The following BICDL2 variants were observed in gnomAD, a reference collection of about 807,000 sequenced individuals.
BICDL2 encodes the protein BICD family like cargo adaptor 2.
BICDL2 carries 62 observed loss-of-function variants against 56.6 expected under a neutral mutation model. The observed-to-expected ratio is 1.10, with a 90% CI of 0.89 to 1.35. The LOEUF (loss-of-function observed/expected upper bound fraction) is 1.35. Ranked by LOEUF, BICDL2 falls within the 40% of genes most tolerant of loss-of-function variation. The probability of loss-of-function intolerance (pLI) is 0.00; values close to 1 mark genes in which losing one functional copy is unlikely to be tolerated. For synonymous variants in BICDL2, 358 were observed against 319.8 expected (o/e 1.12, Z -1.27); for missense variants, 808 against 684.5 (o/e 1.18, Z -2.01).
Position 3,030,731 on chromosome 16 carries a change from C to T in BICDL2, c.580G>A (p.Glu194Lys). 2.5e-6 allele frequency: 4 copies of T among 1,612,622 alleles called. No homozygotes were observed. Among genetic ancestry groups the T allele is most frequent in the Non-Finnish European group, 2.5e-6 (3 of 1,179,800 alleles). ...AGACTCTCCAGCCGCGTCCTCAGCT[C>T]TGCTCCAGCCAGTGCCTGAGCCTGG... ...QCQAQALAGAELRTRLESLQG... is the reference protein window; with the variant it reads ...QCQAQALAGAKLRTRLESLQG... Residue 194 changes from glutamate (E) to lysine (K), a missense_variant, in exon 4 of 10, where the codon GAG becomes AAG. Coordinates refer to ENST00000572449, the MANE Select transcript of BICDL2 (RefSeq NM_001369667.1).
At chr16:3,034,671 TCCTTCCTTCCTTCCTTCCTTCC>T (rs1408251017) in intron 2 of BICDL2, among the ~76,000 whole-genome samples, 6 of 145,158 alleles carry the variant, frequency 4.1e-5, no homozygotes, top group Middle Eastern at 3.5e-3. Flanking sequence ...CTTCCTTCCT[TCCTTCCTTCCTTCCTTCCTTCC>T]CCTTCCTTCC....
rs774651580 is a variant in BICDL2 at position 3,029,655 on chromosome 16, ACTC to A, written c.844_846del (p.Glu282del). The A allele has an allele frequency of 2.6e-6, 4 of 1,534,934 alleles. No individual in the cohort carries two copies. Among genetic ancestry groups the A allele is most frequent in the Non-Finnish European group, 1.7e-6 (2 of 1,145,654 alleles). On this transcript the variant is annotated inframe_deletion, in exon 6 of 10. Transcript: ENST00000572449. ...GACACGTCGGCGTCCTGGAGGCGTG[ACTC>A]CTCCTCCAGCTCGGAGACGCGCCGC...
At chr16:3,035,662 C>CT in intron 1 of BICDL2, 136 bp from the exon 2 acceptor site, 2 of 755,320 alleles carry the variant, frequency 2.6e-6, no homozygotes, top group Non-Finnish European at 4.2e-6. Context: ...GGGTTAATGA[C>CT]CTGTGTTTTG....
chr16:3,035,730 G>C (rs1216661633), intron 1 of BICDL2: 2 of 574,072 alleles, frequency 3.5e-6, no homozygotes, highest in East Asian at 5.7e-5. Context: ...AGAAGGAAAT[G>C]ACCTGCCCAG....
chr16:3,031,861 TG>T (rs1955661329), intron 2 of BICDL2: 2 of 258,466 alleles, frequency 7.7e-6, no homozygotes, highest in South Asian at 3.4e-4. Flanking sequence ...GGTTTACAGA[TG>T]GAACAAGCTC....
chr16:3,031,106 G>A lies in BICDL2; in HGVS notation c.327C>T (p.Ala109=), dbSNP rs1314187664. 6 of 1,536,022 alleles carry A rather than the reference G, an allele frequency of 3.9e-6. No homozygotes were observed. The highest frequency in any genetic ancestry group is 5.2e-6 in the Non-Finnish European group (6 of 1,146,616). Reference sequence around the variant, plus strand: ...CCCGGGCCTCCCACTCGGCTCCTCGGGCTGCCAGGCCTCGCCGGAGCTCAT... The same window carrying A: ...CCCGGGCCTCCCACTCGGCTCCTCGAGCTGCCAGGCCTCGCCGGAGCTCAT... ...ENHELRRGLA[A]RGAEWEARAV... The change falls in exon 3 of 10, where the codon GCC becomes GCT. Residue 109 remains alanine (A), a synonymous_variant. Transcript: ENST00000572449.
At position 3,028,118 on chromosome 16, in the gene BICDL2, G is replaced by A; in HGVS notation, c.1515C>T (p.Phe505=). The change falls in exon 10 of 10, where the codon TTC becomes TTT. Residue 505 remains phenylalanine (F), a synonymous_variant. Coordinates refer to ENST00000572449, the MANE Select transcript of BICDL2 (RefSeq NM_001369667.1). ...GPAGGFLSNL[F]RRT Reference sequence around the variant, plus strand: ...CTGGGCCCAGCCGTCAGGTCCTTCGGAAGAGGTTACTGAGAAAGCCACCGG... The same window carrying A: ...CTGGGCCCAGCCGTCAGGTCCTTCGAAAGAGGTTACTGAGAAAGCCACCGG... The A allele has an allele frequency of 7.0e-7, 1 of 1,434,012 alleles. No individual in the cohort carries two copies. Among genetic ancestry groups the A allele is most frequent in the Non-Finnish European group, 9.1e-7 (1 of 1,100,206 alleles). 88.8% of individuals were successfully genotyped at this position (1,434,012 alleles called of 1,614,324 possible).
chr16:3,029,827 C>A, intron 5 of BICDL2, 88 bp from the exon 6 acceptor site: 1 of 1,181,298 alleles, frequency 8.5e-7, no homozygotes, highest in South Asian at 1.5e-5. Context: ...ACGGGGGTGC[C>A]GCGGAGAGCC....
rs934968571 is a variant in BICDL2, at chr16:3,035,258, C to T, written c.239G>A (p.Arg80Gln). The T allele has an allele frequency of 2.6e-5, 40 of 1,549,054 alleles. No individual in the cohort carries two copies. The highest frequency in any genetic ancestry group is 2.2e-4 in the African/African-American group (16 of 72,712). The part of the protein sequence containing the change: ...MLLERNEELR[R>Q]QLETLSAQHL... The stretch of plus-strand genomic sequence containing the variant: ...CTGGGCGCTCAGCGTCTCCAGCTGC[C>T]GCCGCAGCTCTTCATTTCGCTCCAG... Residue 80 changes from arginine to glutamine, a missense_variant, in exon 2 of 10, where the codon CGG becomes CAG. By Grantham distance (43) the Arg-to-Gln change is conservative (BLOSUM62 1). Transcript: ENST00000572449.
chr16:3,030,866 T>C (rs1955643432), intron 3 of BICDL2, 54 bp from the exon 4 acceptor site: 9 of 1,555,060 alleles, frequency 5.8e-6, no homozygotes, highest in Non-Finnish European at 6.9e-6. Context: ...CCAATGCACC[T>C]ACTCCCCGCT....
At chr16:3,028,967 G>A in intron 7 of BICDL2, 137 bp from the exon 8 acceptor site, 5 of 1,212,244 alleles carry the variant, frequency 4.1e-6, no homozygotes, top group Non-Finnish European at 5.6e-6. Context: ...CCCTGTGCTG[G>A]AGACTCCGAT....
rs56382043 is a variant in BICDL2 at position 3,027,709 on chromosome 16, CTTTTTTTTTTT to C, written c.*386_*396del. 2.2e-6 allele frequency: 3 copies of C among 1,350,488 alleles called. No homozygotes were observed. Among genetic ancestry groups the C allele is most frequent in the Non-Finnish European group, 3.0e-6 (3 of 1,009,124 alleles). 83.7% of individuals were successfully genotyped at this position (1,350,488 alleles called of 1,614,324 possible). On this transcript the variant is annotated 3_prime_UTR_variant, in exon 10 of 10. Coordinates refer to ENST00000572449, the MANE Select transcript of BICDL2 (RefSeq NM_001369667.1). Reference sequence around the variant, plus strand: ...AGGGTTTTAGAGTGTTTTTCATTTTCTTTTTTTTTTTTTTTTTACAATAAAGTTTCAGGCTT... The same window carrying C: ...AGGGTTTTAGAGTGTTTTTCATTTTCTTTTTTACAATAAAGTTTCAGGCTT...
At position 3,028,551 on chromosome 16, in the gene BICDL2, C is replaced by T. The variant is rs1173035688; in HGVS notation, c.1239-83G>A. The T allele has an allele frequency of 6.5e-6, 10 of 1,533,336 alleles. No individual in the cohort carries two copies. The East Asian group carries it at 7.2e-5, about 11-fold the overall frequency. The allele number at this position is 1,533,336 out of a possible 1,614,324, so 95.0% of individuals were successfully genotyped here. ...GTGGCGGGGGACTTCTGTACCCGGG[C>T]GGGAGGAGGGCTGCAAACACCTAGA... is the stretch of plus-strand genomic sequence containing the variant. On this transcript the variant is annotated intron_variant, in intron 8 of 9. Coordinates refer to ENST00000572449, the MANE Select transcript of BICDL2 (RefSeq NM_001369667.1).
chr16:3,036,718 A>G (rs890886104), intron 1 of BICDL2, 176 bp downstream of exon 1: 3 of 444,426 alleles, frequency 6.8e-6, no homozygotes, highest in Non-Finnish European at 1.3e-5. Flanking sequence ...TCGGAAGCCC[A>G]GAGAAGCGGC....
At chr16:3,030,214 T>G (rs1487944851) in intron 5 of BICDL2, 1 of 570,188 alleles carries the variant, frequency 1.8e-6, no homozygotes, top group Non-Finnish European at 3.0e-6. Context: ...GCCTGAGCTC[T>G]GGCACCAGCC....
intron 8 of BICDL2, 84 bp from the exon 9 acceptor site, chr16:3,028,552 G>T: frequency 6.5e-7 from 1 of 1,534,522 alleles, no homozygotes. Flanking sequence ...GTACCCGGGC[G>T]GGAGGAGGGC....
In BICDL2 at chr16:3,029,303, C is replaced by T. The variant is rs746691204; in HGVS notation, c.1084G>A (p.Glu362Lys). The change falls in exon 7 of 10, where the codon GAA (glutamate) becomes AAA (lysine). Residue 362 changes from glutamate to lysine, a missense_variant. Physicochemically the swap from Glu to Lys is moderately conservative, Grantham distance 56 (BLOSUM62 1). Transcript: ENST00000572449. ...ACCTCATCTTGCAGCTTGGCCACTT[C>T]CACCTCCTTCTCCTCCAGTATCTCC... is the stretch of plus-strand genomic sequence containing the variant. Reference protein sequence around the residue: ...PAEILEEKEVEVAKLQDEISL... With the variant: ...PAEILEEKEVKVAKLQDEISL... The T allele has an allele frequency of 6.2e-7, 1 of 1,611,742 alleles. No individual in the cohort carries two copies. Among genetic ancestry groups the T allele is most frequent in the Non-Finnish European group, 8.5e-7 (1 of 1,179,376 alleles).
chr16:3,036,513 C>A (rs1955735154), intron 1 of BICDL2: 1 of 456,110 alleles, frequency 2.2e-6, no homozygotes, highest in African/African-American at 2.0e-5. Context: ...CATGTGCAGC[C>A]CTGCTCGCAG....
At chr16:3,036,619 C>A (rs547509266) in intron 1 of BICDL2, 4 of 451,060 alleles carry the variant, frequency 8.9e-6, no homozygotes, top group East Asian at 7.0e-5. Context: ...CCCCCGCCCC[C>A]CTCCACGCGA....
Sources: allele counts gnomAD v4.1 joint callset (sites outside exome capture counted in the v4.1 genomes callset), GRCh38; gene constraint gnomAD v4.1.1; transcripts MANE v1.5; gene names NCBI Gene and HGNC (gene_info 2026-07-23, HGNC 2026-07-21).